The following CNTN5 variants were observed in gnomAD, a reference collection of about 807,000 sequenced individuals.
CNTN5 encodes the protein contactin-5.
CNTN5 carries 77 observed loss-of-function variants against 129.1 expected under a neutral mutation model. The observed-to-expected ratio is 0.60, with a 90% CI of 0.50 to 0.72. The LOEUF (loss-of-function observed/expected upper bound fraction) is 0.72, where lower values mean the gene tolerates loss of function less well. Among genes scored for constraint, CNTN5 ranks in the 30% least tolerant of loss-of-function variants. The pLI is 0.00. For missense variants in CNTN5, 1,478 were observed against 1,328.8 expected (o/e 1.11, Z -1.75); for synonymous variants, 509 against 465.6 (o/e 1.09, Z -1.20).
At chr11:99,683,062 T>A (rs1425303617) in intron 3 of CNTN5, among the ~76,000 whole-genome samples, 1 of 151,992 alleles carries the variant, frequency 6.6e-6, no homozygotes. Flanking sequence ...TATAATTCCA[T>A]GGTTGATTTC....
chr11:100,047,991 C>T (rs1193333187), intron 9 of CNTN5, among the ~76,000 whole-genome samples: 1 of 152,016 alleles, frequency 6.6e-6, no homozygotes, highest in African/African-American at 2.4e-5. Context: ...ATTAGCCCAG[C>T]GTGGTGGCGG....
chr11:99,576,150 C>A (rs934792240), intron 3 of CNTN5, among the ~76,000 whole-genome samples: 4 of 152,168 alleles, frequency 2.6e-5, no homozygotes, highest in African/African-American at 9.7e-5. Flanking sequence ...CGAAGCACCA[C>A]GGCAAGCCTG....
intron 13 of CNTN5, among the ~76,000 whole-genome samples, chr11:100,141,598 A>G (rs1280461154): frequency 6.6e-6 from 1 of 152,148 alleles, no homozygotes; most frequent in Admixed American, 6.6e-5. Context: ...AACATCTTGA[A>G]AACCTAGGAA....
chr11:100,118,712 A>C (rs891654675), intron 13 of CNTN5, among the ~76,000 whole-genome samples: 9 of 151,910 alleles, frequency 5.9e-5, no homozygotes, highest in Non-Finnish European at 1.2e-4. Context: ...AAAATTGACC[A>C]TAATCAAAGG....
At chr11:100,122,775 A>C (rs1485685328) in intron 13 of CNTN5, among the ~76,000 whole-genome samples, 2 of 152,038 alleles carry the variant, frequency 1.3e-5, no homozygotes, top group Non-Finnish European at 2.9e-5. Context: ...AGTGGAAGGA[A>C]AACTTACAGG....
At chr11:99,800,212 A>C (rs958021072) in intron 3 of CNTN5, among the ~76,000 whole-genome samples, 1 of 151,768 alleles carries the variant, frequency 6.6e-6, no homozygotes, top group Non-Finnish European at 1.5e-5. Flanking sequence ...CTTTAATTTC[A>C]TTGTTTACTT....
chr11:99,708,007 A>C (rs1591510559), intron 3 of CNTN5, among the ~76,000 whole-genome samples: 1 of 151,580 alleles, frequency 6.6e-6, no homozygotes, highest in East Asian at 1.9e-4. Flanking sequence ...AGATATTATT[A>C]ATATACTTAC....
At chr11:99,677,465 T>C (rs1953340817) in intron 3 of CNTN5, among the ~76,000 whole-genome samples, 1 of 152,178 alleles carries the variant, frequency 6.6e-6, no homozygotes, top group African/African-American at 2.4e-5. Context: ...CGGTCAAGTT[T>C]ACAGCATTTA....
intron 3 of CNTN5, among the ~76,000 whole-genome samples, chr11:99,625,058 C>T (rs636073): frequency 0.61 from 92,897 of 152,008 alleles, 29,277 homozygotes; most frequent in Admixed American, 0.74. Flanking sequence ...CAGTGTTGGA[C>T]ACATGGCAGA....
intron 2 of CNTN5, among the ~76,000 whole-genome samples, chr11:99,502,727 C>G (rs1409352822): frequency 6.6e-6 from 1 of 152,176 alleles, no homozygotes; most frequent in Admixed American, 6.5e-5. Flanking sequence ...AACAAAAGCA[C>G]AGTTATGCTC....
chr11:99,368,755 G>A (rs1939623591), intron 2 of CNTN5, among the ~76,000 whole-genome samples: 1 of 152,044 alleles, frequency 6.6e-6, no homozygotes, highest in African/African-American at 2.4e-5. Flanking sequence ...TTCTTACATG[G>A]GATTTGTGTT....
At chr11:99,723,359 C>T (rs1473988428) in intron 3 of CNTN5, among the ~76,000 whole-genome samples, 1 of 152,096 alleles carries the variant, frequency 6.6e-6, no homozygotes, top group Non-Finnish European at 1.5e-5. Flanking sequence ...CTGCAAGTGG[C>T]CCTTTAGTGT....
chr11:99,608,260 C>T (rs1239726870), intron 3 of CNTN5, among the ~76,000 whole-genome samples: 2 of 151,992 alleles, frequency 1.3e-5, no homozygotes, highest in Admixed American at 1.3e-4. Flanking sequence ...ATTGGAAGTC[C>T]TTTTAGTTAC....
In CNTN5 at chr11:99,615,598, C is replaced by T. The variant is rs188622408; in HGVS notation, c.55+59329C>T. On this transcript the variant is annotated intron_variant, in intron 3 of 24. Coordinates refer to ENST00000524871, the MANE Select transcript of CNTN5 (RefSeq NM_014361.4). ...TTGTTTTGAAATAATTAGGAATTCA[C>T]AGGAAGTTGCCAAGAATAGTACAGA... 4.2e-4 allele frequency among the ~76,000 whole-genome samples: 64 copies of T among 152,174 alleles called. 1 individual carries two copies. Among genetic ancestry groups the T allele is most frequent in the African/African-American group, 1.4e-3 (57 of 41,518 alleles).
chr11:99,990,884 G>A (rs568819655), intron 8 of CNTN5, among the ~76,000 whole-genome samples: 1 of 152,084 alleles, frequency 6.6e-6, no homozygotes, highest in Admixed American at 6.6e-5. Context: ...AAGAACATCA[G>A]CTCTCTCATT....
At chr11:99,504,428 C>A (rs543262142) in intron 2 of CNTN5, among the ~76,000 whole-genome samples, 2 of 150,018 alleles carry the variant, frequency 1.3e-5, no homozygotes, top group Admixed American at 1.3e-4. Context: ...TTAGCCCCAG[C>A]TACTTGGGAG....
chr11:99,777,011 A>G lies in CNTN5; in HGVS notation c.56-42533A>G, dbSNP rs547555461. Among the ~76,000 whole-genome samples, 47 of 151,920 alleles carry G rather than the reference A, an allele frequency of 3.1e-4. No homozygotes were observed. In the South Asian group the frequency reaches 9.1e-3, roughly 29 times the overall value. The stretch of plus-strand genomic sequence containing the variant: ...CATTTCTAACCAAAATGTTATATTG[A>G]GTTTTTTCATTTGATTTACTTTTAC... On this transcript the variant is annotated intron_variant, in intron 3 of 24. Transcript: ENST00000524871.
chr11:99,942,617 T>C (rs553111738), intron 7 of CNTN5, among the ~76,000 whole-genome samples: 2 of 152,092 alleles, frequency 1.3e-5, no homozygotes, highest in South Asian at 4.1e-4. Context: ...CTATAACCCA[T>C]AATCTAGGTT....
chr11:99,501,143 T>C (rs1283315652), intron 2 of CNTN5, among the ~76,000 whole-genome samples: 2 of 152,230 alleles, frequency 1.3e-5, no homozygotes, highest in Non-Finnish European at 2.9e-5. Flanking sequence ...AAATATTTGC[T>C]GAGTGGGTAA....
Sources: gnomAD v4.1 joint callset for allele counts (sites outside exome capture counted in the v4.1 genomes callset) on GRCh38, gnomAD v4.1.1 for gene constraint, MANE v1.5 for transcripts, NCBI Gene and HGNC (gene_info 2026-07-23, HGNC 2026-07-21) for gene names.